The following MACROD2 variants were observed in gnomAD, a reference collection of about 807,000 sequenced individuals.
MACROD2 encodes the protein mono-ADP ribosylhydrolase 2, also known as ADP-ribose glycohydrolase MACROD2.
In MACROD2, 36 loss-of-function variants were observed where a neutral mutation model predicts 70.4. The ratio of observed to expected loss-of-function variants is 0.51; its 90% CI spans 0.39 to 0.68. MACROD2 has a LOEUF of 0.68. MACROD2 is among the 30% of genes least tolerant of loss of function. The probability of loss-of-function intolerance (pLI) is 0.00; values close to 1 mark genes in which losing one functional copy is unlikely to be tolerated. For missense variants in MACROD2, 496 were observed against 538.4 expected (o/e 0.92, Z 0.78); for synonymous variants, 172 against 178.8 (o/e 0.96, Z 0.30).
At chr20:15,098,681 C>T (rs571426010) in intron 5 of MACROD2, among the ~76,000 whole-genome samples, 1 of 152,300 alleles carries the variant, frequency 6.6e-6, no homozygotes, top group African/African-American at 2.4e-5. Flanking sequence ...ACAACCAAGC[C>T]AATGGTCAAA....
chr20:14,580,011 T>A (rs1359937169), intron 4 of MACROD2, among the ~76,000 whole-genome samples: 1 of 152,222 alleles, frequency 6.6e-6, no homozygotes, highest in Non-Finnish European at 1.5e-5. Context: ...ATGTTTCATG[T>A]CATTATTTAC....
chr20:15,745,640 T>TA (rs1438861782), intron 8 of MACROD2, among the ~76,000 whole-genome samples: 2 of 152,180 alleles, frequency 1.3e-5, no homozygotes, highest in Non-Finnish European at 2.9e-5. Context: ...GTTTAACACT[T>TA]AAAAGTATTT....
intron 6 of MACROD2, among the ~76,000 whole-genome samples, chr20:15,418,684 T>C (rs562998595): frequency 1.1e-4 from 16 of 152,288 alleles, no homozygotes; most frequent in African/African-American, 3.8e-4. Flanking sequence ...TAACCTCCAC[T>C]TGGGTTTGTT....
At chr20:14,412,472 C>T (rs17812658) in intron 3 of MACROD2, among the ~76,000 whole-genome samples, 23,283 of 152,108 alleles carry the variant, frequency 0.15, 2,497 homozygotes, top group Non-Finnish European at 0.23. Flanking sequence ...CAGTTACAGA[C>T]CCTAGGAGCA....
chr20:15,893,957 T>G, intron 10 of MACROD2: 1 of 456,666 alleles, frequency 2.2e-6, no homozygotes, highest in South Asian at 1.5e-5. Context: ...TCTGGAAGTC[T>G]GGAGGAGTCC....
At chr20:15,874,434 G>A (rs1013982114) in intron 9 of MACROD2, among the ~76,000 whole-genome samples, 3 of 152,028 alleles carry the variant, frequency 2.0e-5, no homozygotes, top group Non-Finnish European at 4.4e-5. Flanking sequence ...ATACCCAGTA[G>A]TGGGGTGGCT....
At chr20:15,609,926 C>T (rs924792144) in intron 8 of MACROD2, among the ~76,000 whole-genome samples, 43 of 152,272 alleles carry the variant, frequency 2.8e-4, no homozygotes, top group African/African-American at 9.6e-4. Flanking sequence ...CATGCTATTA[C>T]TTCCTTCTAT....
intron 2 of MACROD2, among the ~76,000 whole-genome samples, chr20:14,011,179 T>G (rs1179277908): frequency 3.3e-5 from 5 of 152,158 alleles, no homozygotes; most frequent in Non-Finnish European, 7.4e-5. Context: ...GCCAGGGGCA[T>G]TGTACAACCT....
At chr20:14,672,466 T>G (rs1202518092) in intron 4 of MACROD2, among the ~76,000 whole-genome samples, 1 of 152,144 alleles carries the variant, frequency 6.6e-6, no homozygotes, top group South Asian at 2.1e-4. Context: ...ATTCAAGTGG[T>G]AGGGAAACAG....
At chr20:14,937,308 A>G in intron 5 of MACROD2, among the ~76,000 whole-genome samples, 1 of 151,936 alleles carries the variant, frequency 6.6e-6, no homozygotes, top group African/African-American at 2.4e-5. Context: ...GAGGAAAGGT[A>G]GTGGTGGTGG....
chr20:15,739,578 C>T (rs1397260283), intron 8 of MACROD2, among the ~76,000 whole-genome samples: 6 of 152,060 alleles, frequency 3.9e-5, no homozygotes, highest in Non-Finnish European at 7.4e-5. Flanking sequence ...CACACATTAC[C>T]CTTGAAGTTA....
At chr20:14,678,401 G>T (rs1345996883) in intron 4 of MACROD2, among the ~76,000 whole-genome samples, 5 of 152,136 alleles carry the variant, frequency 3.3e-5, no homozygotes, top group Admixed American at 3.3e-4. Context: ...ACTAGCCACA[G>T]TGGTCTTGAA....
intron 1 of MACROD2, among the ~76,000 whole-genome samples, chr20:13,999,526 A>G (rs1156753000): frequency 6.6e-6 from 1 of 152,228 alleles, no homozygotes; most frequent in African/African-American, 2.4e-5. Context: ...AGGAAACTAT[A>G]TGAGGCGAAA....
Position 15,937,518 on chromosome 20 carries a change from A to T in MACROD2, c.881A>T (p.Glu294Val), listed in dbSNP as rs754914833. ...TVTVPGPASEEAVEDCKDEDF... is the reference protein window; with the variant it reads ...TVTVPGPASEVAVEDCKDEDF... Reference sequence around the variant, plus strand: ...ACTGTGCCCGGCCCTGCTTCAGAAGAGGCAGTTGAAGACTGTAAAGATGAA... The same window carrying T: ...ACTGTGCCCGGCCCTGCTTCAGAAGTGGCAGTTGAAGACTGTAAAGATGAA... The change falls in exon 12 of 18, where the codon GAG becomes GTG. Residue 294 changes from glutamate to valine, a missense_variant. Coordinates refer to ENST00000684519, the MANE Select transcript of MACROD2 (RefSeq NM_001351661.2). The T allele has an allele frequency of 6.2e-7, 1 of 1,613,442 alleles. No individual in the cohort carries two copies. Among genetic ancestry groups the T allele is most frequent in the East Asian group, 2.2e-5 (1 of 44,862 alleles).
intron 8 of MACROD2, among the ~76,000 whole-genome samples, chr20:15,817,760 C>T (rs76849528): frequency 0.016 from 2,447 of 152,208 alleles, 88 homozygotes; most frequent in African/African-American, 0.056. Context: ...TCCATCTCAC[C>T]CTTTAAAGTC....
intron 7 of MACROD2, among the ~76,000 whole-genome samples, chr20:15,441,353 A>T (rs1271160081): frequency 2.0e-5 from 3 of 152,138 alleles, no homozygotes; most frequent in Non-Finnish European, 4.4e-5. Flanking sequence ...ACTACAAAAT[A>T]TGCTAGTTCA....
intron 2 of MACROD2, among the ~76,000 whole-genome samples, chr20:14,027,709 C>T (rs1220591116): frequency 2.0e-5 from 3 of 152,212 alleles, no homozygotes; most frequent in Non-Finnish European, 4.4e-5. Context: ...AGGTCCACTG[C>T]ACACCCGGTT....
chr20:15,970,479 A>G (rs2066213292), intron 13 of MACROD2, among the ~76,000 whole-genome samples: 2 of 151,572 alleles, frequency 1.3e-5, no homozygotes, highest in Admixed American at 6.6e-5. Flanking sequence ...TTAGTGTTGA[A>G]ACTTTGTAAG....
chr20:14,726,889 A>G (rs6034020), intron 5 of MACROD2, among the ~76,000 whole-genome samples: 141,246 of 152,168 alleles, frequency 0.93, 65,611 homozygotes, highest in East Asian at 1. Flanking sequence ...TGATGTGTTT[A>G]CTACTTTTTC....
Sources: allele counts gnomAD v4.1 joint callset (sites outside exome capture counted in the v4.1 genomes callset), GRCh38; gene constraint gnomAD v4.1.1; transcripts MANE v1.5; gene names NCBI Gene and HGNC (gene_info 2026-07-23, HGNC 2026-07-21).